SATB2: variants seen among roughly 807,000 people sequenced by gnomAD.
The protein encoded by SATB2 is SATB homeobox 2, also known as DNA-binding protein SATB2.
Under a neutral mutation model 73.4 loss-of-function variants are expected in SATB2, and 1 was observed. That is an observed-to-expected ratio of 0.01 (90% confidence interval 0.00 to 0.06). SATB2 has a LOEUF of 0.06. Ranked by LOEUF, SATB2 falls within the 10% of genes least tolerant of loss-of-function variation. The pLI, the probability that SATB2 is intolerant of heterozygous loss-of-function variation, is 1.00. For synonymous variants in SATB2, 397 were observed against 367.0 expected, an observed-to-expected ratio of 1.08 and a Z score of -0.93; for missense variants, 459 against 945.8, an observed-to-expected ratio of 0.49 and a Z score of 6.75.
At chr2:199,292,126 C>A (rs997934553) in intron 10 of SATB2, among the ~76,000 whole-genome samples, 3 of 151,852 alleles carry the variant, frequency 2.0e-5, no homozygotes, top group African/African-American at 7.3e-5. Context: ...ATTTACCACA[C>A]ATAGTGGAGC....
At chr2:199,419,670 C>T (rs1016363423) in intron 3 of SATB2, among the ~76,000 whole-genome samples, 6 of 152,112 alleles carry the variant, frequency 3.9e-5, no homozygotes, top group East Asian at 1.9e-4. Flanking sequence ...ATGAAAACAC[C>T]GCCATATATC....
At chr2:199,340,081 A>C (rs1688459419) in intron 7 of SATB2, among the ~76,000 whole-genome samples, 1 of 152,222 alleles carries the variant, frequency 6.6e-6, no homozygotes, top group Non-Finnish European at 1.5e-5. Flanking sequence ...ATATTTTAGC[A>C]GTTGACCTTA....
chr2:199,458,579 GGCGCA>G (rs1409368022), upstream of SATB2: 1 of 427,908 alleles, frequency 2.3e-6, no homozygotes, highest in African/African-American at 2.2e-5. Flanking sequence ...CCAGCCCCTA[GGCGCA>G]CTCGTCCCGG....
At chr2:199,451,818 C>T (rs1692132181) in intron 2 of SATB2, among the ~76,000 whole-genome samples, 1 of 151,510 alleles carries the variant, frequency 6.6e-6, no homozygotes, top group African/African-American at 2.4e-5. Context: ...ATCACATTTG[C>T]TTCCCTATTT....
At chr2:199,356,373 T>C (rs1202211982) in intron 6 of SATB2, among the ~76,000 whole-genome samples, 3 of 152,148 alleles carry the variant, frequency 2.0e-5, no homozygotes, top group Non-Finnish European at 2.9e-5. Flanking sequence ...AGTAAAAATG[T>C]TGCCAATCAA....
intron 6 of SATB2, among the ~76,000 whole-genome samples, chr2:199,355,078 A>C (rs1255264579): frequency 6.6e-6 from 1 of 151,986 alleles, no homozygotes; most frequent in African/African-American, 2.4e-5. Context: ...CCAGGAAGCC[A>C]GGTATTTATT....
At chr2:199,441,663 C>T (rs959533003) in intron 2 of SATB2, among the ~76,000 whole-genome samples, 4 of 152,090 alleles carry the variant, frequency 2.6e-5, no homozygotes, top group Non-Finnish European at 5.9e-5. Context: ...CTGACCACCC[C>T]GAAGGATCAA....
intron 7 of SATB2, among the ~76,000 whole-genome samples, chr2:199,334,352 G>C (rs184354393): frequency 6.6e-6 from 1 of 152,146 alleles, no homozygotes; most frequent in East Asian, 1.9e-4. Flanking sequence ...ATATGATTCA[G>C]AACATGTTAG....
intron 2 of SATB2, among the ~76,000 whole-genome samples, chr2:199,434,659 C>G (rs1691602339): frequency 6.6e-6 from 1 of 152,108 alleles, no homozygotes; most frequent in African/African-American, 2.4e-5. Flanking sequence ...TAGAAAGTCA[C>G]ATGGTCATGG....
Position 199,357,099 on chromosome 2 carries a change from C to CT in SATB2, c.701-7927dup, listed in dbSNP as rs549573862. 1.4e-4 allele frequency among the ~76,000 whole-genome samples: 21 copies of CT among 152,324 alleles called. No individual in the cohort carries two copies. The East Asian group carries it at 4.0e-3, about 29-fold the overall frequency. On this transcript the variant is annotated intron_variant, in intron 6 of 10. Transcript: ENST00000417098. ...GGACCCTGCAGTCTGTATTCCGCTG[C>CT]TTAAGATGAACTGCCCAGTTTGGGG...
intron 7 of SATB2, among the ~76,000 whole-genome samples, chr2:199,338,802 AG>A (rs1381829514): frequency 1.3e-5 from 2 of 151,860 alleles, no homozygotes; most frequent in East Asian, 3.9e-4. Context: ...CTGTAGTCCC[AG>A]CTACTCGGGA....
intron 3 of SATB2, among the ~76,000 whole-genome samples, chr2:199,409,831 TA>T (rs1402188749): frequency 6.6e-6 from 1 of 152,212 alleles, no homozygotes; most frequent in Non-Finnish European, 1.5e-5. Context: ...CTGCAGGGGA[TA>T]ATGTTAAGAA....
At chr2:199,399,801 A>C (rs893850779) in intron 3 of SATB2, among the ~76,000 whole-genome samples, 3 of 152,206 alleles carry the variant, frequency 2.0e-5, no homozygotes, top group Admixed American at 6.5e-5. Context: ...TTGAGAGAAC[A>C]GAAGTTGGAA....
chr2:199,272,128 A>T lies in SATB2; in HGVS notation c.*83T>A, dbSNP rs530875805. 1 of 1,406,546 alleles carries T rather than the reference A, an allele frequency of 7.1e-7. No individual in the cohort carries two copies. The highest frequency in any genetic ancestry group is 1.0e-6 in the Non-Finnish European group (1 of 1,001,208). 87.1% of individuals were successfully genotyped at this position (1,406,546 alleles called of 1,614,324 possible). The stretch of plus-strand genomic sequence containing the variant: ...AAAAAACCCAAAAACAAAAACAAAA[A>T]ACAAACTAACAAAAAACTTTTAAAG... On this transcript the variant is annotated 3_prime_UTR_variant, in exon 11 of 11. Transcript: ENST00000417098. The surrounding 1 kb of genome is among the most constrained non-coding windows in gnomAD (Gnocchi z 6.7).
At chr2:199,405,677 C>CAT (rs1236157885) in intron 3 of SATB2, among the ~76,000 whole-genome samples, 1 of 151,990 alleles carries the variant, frequency 6.6e-6, no homozygotes, top group Non-Finnish European at 1.5e-5. Context: ...AACCTTCACA[C>CAT]ATATAACTGT....
intron 3 of SATB2, among the ~76,000 whole-genome samples, chr2:199,418,788 G>C (rs1446343427): frequency 1.3e-5 from 2 of 152,190 alleles, no homozygotes; most frequent in East Asian, 1.9e-4. Context: ...CTGTGTGTGA[G>C]AATTCATCAG....
chr2:199,447,301 T>C (rs975239813), intron 2 of SATB2, among the ~76,000 whole-genome samples: 5 of 152,170 alleles, frequency 3.3e-5, no homozygotes, highest in East Asian at 1.9e-4. Flanking sequence ...ATTCAGAGGA[T>C]TGCAGGTCGA....
rs1414178223 is a variant in SATB2 at position 199,287,149 on chromosome 2, G to A, written c.1741-14477C>T. Among the ~76,000 whole-genome samples the A allele has an allele frequency of 2.6e-5, 4 of 152,194 alleles. No homozygotes were observed. The East Asian group carries it at 7.7e-4, about 29-fold the overall frequency. On this transcript the variant is annotated intron_variant, in intron 10 of 10. Coordinates refer to ENST00000417098, the MANE Select transcript of SATB2 (RefSeq NM_001172509.2). ...ATCCAGCTGGCTCTATAATTCTCAA[G>A]TGAAGTAAAAATGTGACCCAAATGA...
intron 7 of SATB2, among the ~76,000 whole-genome samples, chr2:199,345,320 C>T (rs547210727): frequency 5.3e-5 from 8 of 152,040 alleles, no homozygotes; most frequent in African/African-American, 1.7e-4. Flanking sequence ...ATGTGCACAA[C>T]GTGCAGGTTT....
Sources: gnomAD v4.1 joint callset for allele counts (sites outside exome capture counted in the v4.1 genomes callset) on GRCh38, gnomAD v4.1.1 for gene constraint, Gnocchi (gnomAD v3.1) non-coding constraint, MANE v1.5 for transcripts, NCBI Gene and HGNC (gene_info 2026-07-23, HGNC 2026-07-21) for gene names.